DLGAP4: variants seen among roughly 807,000 people sequenced by gnomAD.
DLGAP4 encodes the protein DLG associated protein 4.
Under a neutral mutation model 86.9 loss-of-function variants are expected in DLGAP4, and 18 were observed. That is an observed-to-expected ratio of 0.21 (90% CI 0.14 to 0.31). The LOEUF is 0.31. Ranked by LOEUF, DLGAP4 falls within the 10% of genes least tolerant of loss-of-function variation. DLGAP4 has a pLI of 1.00. For missense variants in DLGAP4, 1,085 were observed against 1,362.6 expected, an observed-to-expected ratio of 0.80 and a Z score of 3.21; for synonymous variants, 548 against 574.3, an observed-to-expected ratio of 0.95 and a Z score of 0.65.
chr20:36,351,252 C>A (rs1600423465), intron 1 of DLGAP4, among the ~76,000 whole-genome samples: 1 of 152,200 alleles, frequency 6.6e-6, no homozygotes, highest in African/African-American at 2.4e-5. Context: ...AAATGGCAGA[C>A]CCCCTACAAG....
chr20:36,331,893 G>A (rs986114119), intron 1 of DLGAP4, among the ~76,000 whole-genome samples: 1 of 152,106 alleles, frequency 6.6e-6, no homozygotes, highest in Non-Finnish European at 1.5e-5. Context: ...TGAGGATCTG[G>A]GATCGGGTGG....
intron 10 of DLGAP4, chr20:36,512,518 G>A (rs2036767303): frequency 6.6e-6 from 1 of 152,294 alleles, no homozygotes; most frequent in Non-Finnish European, 1.5e-5. Flanking sequence ...TTCTGGGGAT[G>A]TCGCAGTGAA....
chr20:36,477,856 C>T (rs1011776329), intron 7 of DLGAP4, among the ~76,000 whole-genome samples: 5 of 152,218 alleles, frequency 3.3e-5, no homozygotes, highest in East Asian at 3.9e-4. Flanking sequence ...CCCAGAAATA[C>T]AGGGACTTGC....
At chr20:36,313,548 T>TGG (rs1423052033) in intron 1 of DLGAP4, among the ~76,000 whole-genome samples, 14 of 136,436 alleles carry the variant, frequency 1.0e-4, no homozygotes, top group Admixed American at 1.5e-4. Context: ...AGCTCTGGGG[T>TGG]GGGGGGGGGT....
chr20:36,334,113 G>A lies in DLGAP4; in HGVS notation c.-304+27601G>A, dbSNP rs553712161. On this transcript the variant is annotated intron_variant, in intron 1 of 12. Coordinates refer to ENST00000339266, the MANE Select transcript of DLGAP4 (RefSeq NM_001365621.2). ...CAGGGCTGGGCACCAGAAGCACAGC[G>A]GTGAACAAGCCAGACCCAGCCCCTG... Among the ~76,000 whole-genome samples the A allele has an allele frequency of 1.4e-4, 21 of 152,338 alleles. No homozygotes were observed. In the East Asian group the frequency reaches 2.9e-3, roughly 21 times the overall value.
chr20:36,320,544 C>T (rs1418257421), intron 1 of DLGAP4, among the ~76,000 whole-genome samples: 19 of 152,290 alleles, frequency 1.2e-4, no homozygotes, highest in South Asian at 6.2e-4. Flanking sequence ...ATGCCCCCCA[C>T]TCCCTTGCTG....
At chr20:36,343,548 C>A (rs1177506697) in intron 1 of DLGAP4, among the ~76,000 whole-genome samples, 2 of 152,070 alleles carry the variant, frequency 1.3e-5, no homozygotes, top group Non-Finnish European at 2.9e-5. Context: ...GCCTCATTTG[C>A]CCCTATTCCC....
At chr20:36,317,239 C>T (rs1206324488) in intron 1 of DLGAP4, among the ~76,000 whole-genome samples, 1 of 49,288 alleles carries the variant, frequency 2.0e-5, no homozygotes, top group African/African-American at 1.3e-4. Flanking sequence ...TTCTTTCTTT[C>T]TTTCTTTCTT....
chr20:36,308,120 C>T lies in DLGAP4; in HGVS notation c.-304+1608C>T, dbSNP rs1475023539. On this transcript the variant is annotated intron_variant, in intron 1 of 12. Transcript: ENST00000339266. This position sits in a 1 kb window ranked among gnomAD's most constrained non-coding sequence, Gnocchi z 4.5. ...CAGCTCCGGAGACGCTGGCTGTGCA[C>T]GTGGGGCTGGCTAGAGTGCCTGTCT... Among the ~76,000 whole-genome samples, 1 of 152,154 alleles carries T rather than the reference C, an allele frequency of 6.6e-6. No homozygotes were observed. Among genetic ancestry groups the T allele is most frequent in the Non-Finnish European group, 1.5e-5 (1 of 68,026 alleles).
intron 2 of DLGAP4, among the ~76,000 whole-genome samples, chr20:36,412,422 G>T (rs1285164436): frequency 1.3e-5 from 2 of 152,218 alleles, no homozygotes; most frequent in African/African-American, 2.4e-5. Flanking sequence ...CAGGCTCAGG[G>T]TTCTGTGAGG....
intron 10 of DLGAP4, among the ~76,000 whole-genome samples, chr20:36,503,252 C>G (rs549392884): frequency 3.9e-5 from 6 of 152,176 alleles, no homozygotes; most frequent in Middle Eastern, 3.4e-3. Context: ...CCACAAAATT[C>G]ACCCTTTTAA....
chr20:36,523,930 G>C (rs972794888), intron 10 of DLGAP4, among the ~76,000 whole-genome samples: 1 of 152,168 alleles, frequency 6.6e-6, no homozygotes, highest in Non-Finnish European at 1.5e-5. Flanking sequence ...AAAAGTGCTG[G>C]GATTACAGGC....
intron 10 of DLGAP4, among the ~76,000 whole-genome samples, chr20:36,517,277 C>T (rs1418873628): frequency 6.6e-6 from 1 of 152,024 alleles, no homozygotes; most frequent in Admixed American, 6.6e-5. Flanking sequence ...ACTGGGGAGG[C>T]TGAGGCATGA....
intron 1 of DLGAP4, among the ~76,000 whole-genome samples, chr20:36,331,944 G>A (rs922468655): frequency 1.4e-4 from 22 of 151,954 alleles, no homozygotes; most frequent in South Asian, 4.2e-4. Context: ...TTGTGCTGGC[G>A]GACATGTTCA....
intron 7 of DLGAP4, among the ~76,000 whole-genome samples, chr20:36,483,416 G>A (rs547083838): frequency 9.9e-5 from 15 of 152,174 alleles, no homozygotes; most frequent in Non-Finnish European, 2.1e-4. Flanking sequence ...CACACTCATA[G>A]CCCCAGGCAA....
chr20:36,349,824 C>T (rs1158082130), intron 1 of DLGAP4, among the ~76,000 whole-genome samples: 1 of 152,168 alleles, frequency 6.6e-6, no homozygotes, highest in Non-Finnish European at 1.5e-5. Flanking sequence ...ATGTGGTCAT[C>T]ACATCAATAA....
chr20:36,311,223 A>G (rs2065050086), intron 1 of DLGAP4, among the ~76,000 whole-genome samples: 2 of 142,370 alleles, frequency 1.4e-5, no homozygotes, highest in African/African-American at 6.1e-5. Flanking sequence ...GCCCAAGGTC[A>G]CTCGGAGGGT....
Position 36,527,049 on chromosome 20 carries a change from G to T in DLGAP4, c.*18G>T, listed in dbSNP as rs754282319. ...GGCTCTGAGACCATGCAGGAGGAAA[G>T]AAACGATTTTAAATCATTAAAAACA... On this transcript the variant is annotated 3_prime_UTR_variant, in exon 13 of 13. Coordinates refer to ENST00000339266, the MANE Select transcript of DLGAP4 (RefSeq NM_001365621.2). The T allele has an allele frequency of 2.6e-6, 4 of 1,567,756 alleles. No homozygotes were observed. Among genetic ancestry groups the T allele is most frequent in the South Asian group, 1.1e-5 (1 of 87,782 alleles).
At chr20:36,382,625 G>A (rs2031445521) in intron 2 of DLGAP4, among the ~76,000 whole-genome samples, 1 of 149,818 alleles carries the variant, frequency 6.7e-6, no homozygotes, top group Non-Finnish European at 1.5e-5. Flanking sequence ...TGCCTCTCGG[G>A]TTCAAGTGAT....
Sources: allele counts gnomAD v4.1 joint callset (sites outside exome capture counted in the v4.1 genomes callset), GRCh38; gene constraint gnomAD v4.1.1; non-coding constraint Gnocchi (gnomAD v3.1); transcripts MANE v1.5; gene names NCBI Gene and HGNC (gene_info 2026-07-23, HGNC 2026-07-21).